The following FUT8 variants were observed in gnomAD, a reference collection of about 807,000 sequenced individuals.
FUT8 encodes the protein fucosyltransferase 8, also known as alpha-(1,6)-fucosyltransferase.
FUT8 carries 29 observed loss-of-function variants against 71.3 expected under a neutral mutation model. The ratio of observed to expected loss-of-function variants is 0.41; its 90% CI spans 0.30 to 0.55. FUT8 has a LOEUF of 0.55. FUT8 is among the 20% of genes least tolerant of loss of function. FUT8 has a pLI of 0.34. For missense variants in FUT8, 544 were observed against 702.1 expected, an observed-to-expected ratio of 0.77 and a Z score of 2.55; for synonymous variants, 254 against 239.3, an observed-to-expected ratio of 1.06 and a Z score of -0.57.
At chr14:65,495,987 CA>C (rs1318186396) in intron 2 of FUT8, among the ~76,000 whole-genome samples, 2 of 151,776 alleles carry the variant, frequency 1.3e-5, no homozygotes, top group African/African-American at 2.4e-5. Flanking sequence ...AATTTAGACA[CA>C]AAAAATTAAT....
At chr14:65,615,744 A>G (rs1037023091) in intron 3 of FUT8, among the ~76,000 whole-genome samples, 2 of 152,176 alleles carry the variant, frequency 1.3e-5, no homozygotes, top group Non-Finnish European at 2.9e-5. Flanking sequence ...CTCCTAGAAG[A>G]TCATAGATTT....
chr14:65,697,026 ACT>A (rs1283076588), intron 7 of FUT8, among the ~76,000 whole-genome samples: 1 of 151,472 alleles, frequency 6.6e-6, no homozygotes, highest in African/African-American at 2.4e-5. Context: ...TTACTTGCAA[ACT>A]CTCTGTAATA....
intron 3 of FUT8, among the ~76,000 whole-genome samples, chr14:65,577,719 C>T (rs1886867119): frequency 6.6e-6 from 1 of 152,048 alleles, no homozygotes; most frequent in Admixed American, 6.6e-5. Context: ...ATCACTTAAC[C>T]TCTTTGGGTC....
intron 2 of FUT8, among the ~76,000 whole-genome samples, chr14:65,485,797 C>T (rs1268989666): frequency 1.3e-5 from 2 of 152,162 alleles, no homozygotes. Context: ...GTTAGTTTAT[C>T]CACGCACCTA....
At chr14:65,377,487 TG>T in the FUT8 span, among the ~76,000 whole-genome samples, 1 of 152,220 alleles carries the variant, frequency 6.6e-6, no homozygotes, top group African/African-American at 2.4e-5. Flanking sequence ...ATCAGGTTTA[TG>T]TAATAATATT....
At chr14:65,639,610 A>G (rs543141454) in intron 6 of FUT8, among the ~76,000 whole-genome samples, 6 of 151,668 alleles carry the variant, frequency 4.0e-5, no homozygotes, top group African/African-American at 1.5e-4. Flanking sequence ...TCTTTCTACT[A>G]TTTCCCATAT....
At chr14:65,476,433 G>A (rs560841052) in intron 2 of FUT8, among the ~76,000 whole-genome samples, 5 of 152,104 alleles carry the variant, frequency 3.3e-5, no homozygotes, top group Non-Finnish European at 7.4e-5. Flanking sequence ...TTAGTGTGAG[G>A]ATGTCAGTCT....
At chr14:65,392,748 G>T in the FUT8 span, among the ~76,000 whole-genome samples, 3 of 152,142 alleles carry the variant, frequency 2.0e-5, no homozygotes, top group Non-Finnish European at 4.4e-5. Context: ...GGTGGATTAC[G>T]CATTGGCTGG....
chr14:65,486,891 CT>C (rs1230276605), intron 2 of FUT8, among the ~76,000 whole-genome samples: 1 of 152,118 alleles, frequency 6.6e-6, no homozygotes, highest in Non-Finnish European at 1.5e-5. Context: ...CCAGAGAAAG[CT>C]TTACTTTTCT....
intron 1 of FUT8, among the ~76,000 whole-genome samples, chr14:65,438,324 A>G (rs997987168): frequency 4.6e-5 from 7 of 152,060 alleles, no homozygotes; most frequent in African/African-American, 7.2e-5. Context: ...AATGAAACCT[A>G]GATAGAGGGC....
At chr14:65,564,914 G>A (rs1041755505) in intron 3 of FUT8, among the ~76,000 whole-genome samples, 12 of 151,790 alleles carry the variant, frequency 7.9e-5, no homozygotes, top group Admixed American at 4.6e-4. Flanking sequence ...GTAGTATTCC[G>A]TTATATTGAT....
At chr14:65,428,185 T>TA (rs2065417499) in intron 1 of FUT8, among the ~76,000 whole-genome samples, 2 of 152,190 alleles carry the variant, frequency 1.3e-5, no homozygotes, top group African/African-American at 4.8e-5. Context: ...GACCTTTTCT[T>TA]AAAAGGTACA....
intron 2 of FUT8, among the ~76,000 whole-genome samples, chr14:65,470,107 C>T (rs1325860760): frequency 6.6e-6 from 1 of 152,218 alleles, no homozygotes; most frequent in Non-Finnish European, 1.5e-5. Flanking sequence ...TCAGCTTCCT[C>T]AGAGGGGGCC....
At position 65,521,391 on chromosome 14, in the gene FUT8, T is replaced by A. The variant is rs80130084; in HGVS notation, c.-227-39946T>A. Among the ~76,000 whole-genome samples, 758 of 152,308 alleles carry A rather than the reference T, an allele frequency of 5.0e-3. 8 individuals carry two copies. The highest frequency in any genetic ancestry group is 0.017 in the African/African-American group (721 of 41,576). On this transcript the variant is annotated intron_variant, in intron 2 of 10. Coordinates refer to ENST00000673929, the MANE Select transcript of FUT8 (RefSeq NM_001371533.1). ...GGCTTCTTTTATACACTCACAATATTTATACTTTTCTTTAAGTATATCAGA... is the reference window on the plus strand; with the variant it reads ...GGCTTCTTTTATACACTCACAATATATATACTTTTCTTTAAGTATATCAGA...
At chr14:65,371,902 G>A in the FUT8 span, among the ~76,000 whole-genome samples, 1 of 146,404 alleles carries the variant, frequency 6.8e-6, no homozygotes, top group Non-Finnish European at 1.5e-5. Context: ...CAGAGCTAAG[G>A]AATGTATGTA....
intron 6 of FUT8, among the ~76,000 whole-genome samples, chr14:65,658,908 A>T (rs1301343929): frequency 6.6e-6 from 1 of 152,072 alleles, no homozygotes; most frequent in Non-Finnish European, 1.5e-5. Flanking sequence ...AAAAGTCTGT[A>T]GTTAATAGTA....
At chr14:65,377,413 T>A in the FUT8 span, among the ~76,000 whole-genome samples, 56 of 152,270 alleles carry the variant, frequency 3.7e-4, no homozygotes, top group South Asian at 6.2e-4. Context: ...AAAAAAAATT[T>A]AAAAAAACCC....
At chr14:65,378,763 A>G in the FUT8 span, among the ~76,000 whole-genome samples, 3 of 150,636 alleles carry the variant, frequency 2.0e-5, no homozygotes, top group African/African-American at 7.3e-5. Flanking sequence ...TACAGCATCA[A>G]AATTTTCTTT....
intron 1 of FUT8, among the ~76,000 whole-genome samples, chr14:65,443,163 C>T (rs1362471332): frequency 1.3e-5 from 2 of 152,048 alleles, no homozygotes; most frequent in East Asian, 3.9e-4. Flanking sequence ...GTAATCCCAG[C>T]ACTTTGGGAG....
Sources: allele counts gnomAD v4.1 joint callset (sites outside exome capture counted in the v4.1 genomes callset), GRCh38; gene constraint gnomAD v4.1.1; transcripts MANE v1.5; gene names NCBI Gene and HGNC (gene_info 2026-07-23, HGNC 2026-07-21).